The following CNTNAP2 variants were observed in gnomAD, a reference collection of about 807,000 sequenced individuals.
The protein encoded by CNTNAP2 is contactin associated protein 2, also known as contactin-associated protein-like 2.
A neutral mutation model predicts 155.2 loss-of-function variants in CNTNAP2; 98 were observed. That is an observed-to-expected ratio of 0.63 (90% CI 0.54 to 0.75). The LOEUF (loss-of-function observed/expected upper bound fraction) is 0.75, where lower values mean the gene tolerates loss of function less well. CNTNAP2 is among the 30% of genes least tolerant of loss of function. The probability of loss-of-function intolerance (pLI) is 0.00; values close to 1 mark genes in which losing one functional copy is unlikely to be tolerated. For synonymous variants in CNTNAP2, 651 were observed against 631.2 expected (o/e 1.03, Z -0.47); for missense variants, 1,727 against 1,688.1 (o/e 1.02, Z -0.40).
chr7:148,404,820 G>T (rs1389954142), intron 22 of CNTNAP2, among the ~76,000 whole-genome samples: 2 of 152,142 alleles, frequency 1.3e-5, no homozygotes, highest in African/African-American at 2.4e-5. Context: ...GATGAAATGG[G>T]AAGATAATTC....
rs566181010 is a variant in CNTNAP2, at chr7:146,293,166, T to C, written c.97+176193T>C. ...AAAAAATAAATGAAATAAAATTGGA[T>C]TTAAATGAAACAGTGAAAAGTCTTC... On this transcript the variant is annotated intron_variant, in intron 1 of 23. Transcript: ENST00000361727. 1.7e-4 allele frequency among the ~76,000 whole-genome samples: 26 copies of C among 152,250 alleles called. No homozygotes were observed. The South Asian group carries it at 5.2e-3, about 30-fold the overall frequency.
chr7:148,058,161 A>T lies in CNTNAP2; in HGVS notation c.2384-59957A>T, dbSNP rs79974376. On this transcript the variant is annotated intron_variant, in intron 15 of 23. Transcript: ENST00000361727. ...GTGTGTTGATAACGTGACTTAGTACATGAAGAGAGAGCATGGTGTTCAATT... is the reference window on the plus strand; with the variant it reads ...GTGTGTTGATAACGTGACTTAGTACTTGAAGAGAGAGCATGGTGTTCAATT... 2.9e-3 allele frequency among the ~76,000 whole-genome samples: 439 copies of T among 152,204 alleles called. 3 individuals are homozygous for T. The highest frequency in any genetic ancestry group is 0.01 in the African/African-American group (426 of 41,542).
At chr7:147,915,473 C>G (rs1277924121) in intron 14 of CNTNAP2, among the ~76,000 whole-genome samples, 1 of 152,118 alleles carries the variant, frequency 6.6e-6, no homozygotes, top group Non-Finnish European at 1.5e-5. Context: ...ATGAGGAGTA[C>G]TGGTATCAGT....
intron 1 of CNTNAP2, among the ~76,000 whole-genome samples, chr7:146,353,225 C>A (rs1316943520): frequency 1.3e-5 from 2 of 152,180 alleles, no homozygotes; most frequent in Admixed American, 1.3e-4. Flanking sequence ...ATTAATGCCT[C>A]CTCCTCACTG....
chr7:147,766,211 T>C (rs1797381261), intron 13 of CNTNAP2, among the ~76,000 whole-genome samples: 1 of 152,182 alleles, frequency 6.6e-6, no homozygotes, highest in Non-Finnish European at 1.5e-5. Flanking sequence ...GTATCTCTTA[T>C]GGTATGTAAA....
intron 4 of CNTNAP2, among the ~76,000 whole-genome samples, chr7:147,071,657 C>T (rs1297661669): frequency 6.6e-6 from 1 of 152,132 alleles, no homozygotes; most frequent in Non-Finnish European, 1.5e-5. Flanking sequence ...AAGCTGAGAT[C>T]TGTAAAATGA....
intron 8 of CNTNAP2, among the ~76,000 whole-genome samples, chr7:147,257,852 G>A (rs1392084816): frequency 1.3e-5 from 2 of 152,176 alleles, no homozygotes; most frequent in East Asian, 1.9e-4. Flanking sequence ...TGACTAGATC[G>A]ATAGTGGAGG....
chr7:148,333,678 A>T (rs1476183533), intron 21 of CNTNAP2, among the ~76,000 whole-genome samples: 1 of 152,218 alleles, frequency 6.6e-6, no homozygotes, highest in African/African-American at 2.4e-5. Flanking sequence ...CTACTGGGAA[A>T]GGGATTCATG....
In CNTNAP2 at chr7:146,574,572, G is replaced by A. The variant is rs538277783; in HGVS notation, c.98-199699G>A. 1.9e-4 allele frequency among the ~76,000 whole-genome samples: 29 copies of A among 152,112 alleles called. 1 individual carries two copies. In the South Asian group the frequency reaches 2.7e-3, roughly 14 times the overall value. On this transcript the variant is annotated intron_variant, in intron 1 of 23. Coordinates refer to ENST00000361727, the MANE Select transcript of CNTNAP2 (RefSeq NM_014141.6). ...AACAATTAGCTGGGAGTTCTCGTGC[G>A]TGCCTGTAGTCCTAGCTACTCGGGA...
chr7:146,608,082 C>T (rs1799077031), intron 1 of CNTNAP2, among the ~76,000 whole-genome samples: 1 of 152,130 alleles, frequency 6.6e-6, no homozygotes, highest in African/African-American at 2.4e-5. Flanking sequence ...TGGAGCTAAA[C>T]TTCATGTTCT....
intron 21 of CNTNAP2, among the ~76,000 whole-genome samples, chr7:148,295,394 A>C (rs1797261564): frequency 6.6e-6 from 1 of 152,154 alleles, no homozygotes. Flanking sequence ...GCTACAAAAG[A>C]AGCACAGCTT....
intron 13 of CNTNAP2, among the ~76,000 whole-genome samples, chr7:147,826,553 A>G (rs758048984): frequency 6.6e-6 from 1 of 152,228 alleles, no homozygotes; most frequent in Non-Finnish European, 1.5e-5. Context: ...TATATGATCC[A>G]TAGACTTATC....
intron 13 of CNTNAP2, among the ~76,000 whole-genome samples, chr7:147,720,141 C>T (rs7786758): frequency 0.74 from 112,757 of 152,024 alleles, 42,018 homozygotes; most frequent in East Asian, 0.92. Flanking sequence ...CGAAGTGACA[C>T]ACATGTTCCT....
intron 1 of CNTNAP2, among the ~76,000 whole-genome samples, chr7:146,763,935 A>T (rs1339706752): frequency 6.6e-6 from 1 of 152,186 alleles, no homozygotes; most frequent in African/African-American, 2.4e-5. Context: ...GAAGTTACTT[A>T]AGCCAAGTAC....
At chr7:147,115,890 C>T (rs1800977139) in intron 5 of CNTNAP2, among the ~76,000 whole-genome samples, 1 of 152,190 alleles carries the variant, frequency 6.6e-6, no homozygotes, top group South Asian at 2.1e-4. Flanking sequence ...AAAAGGGGCA[C>T]TCGGCTTTTT....
At chr7:148,101,922 TC>T (rs1804110279) in intron 15 of CNTNAP2, among the ~76,000 whole-genome samples, 1 of 152,166 alleles carries the variant, frequency 6.6e-6, no homozygotes, top group Non-Finnish European at 1.5e-5. Context: ...CATGCAGTCT[TC>T]CCCATTGCTA....
rs934291833 is a variant in CNTNAP2 at position 146,914,637 on chromosome 7, G to T, written c.402+74733G>T. On this transcript the variant is annotated intron_variant, in intron 3 of 23. Transcript: ENST00000361727. ...TATTCATGTCCTTAGCTCACTTTTTGGTGGGATTGTTTTTTTGTCTAGTTG... is the reference window on the plus strand; with the variant it reads ...TATTCATGTCCTTAGCTCACTTTTTTGTGGGATTGTTTTTTTGTCTAGTTG... 2.0e-5 allele frequency among the ~76,000 whole-genome samples: 3 copies of T among 151,686 alleles called. No individual in the cohort carries two copies. In the East Asian group the frequency reaches 5.8e-4, roughly 29 times the overall value.
intron 13 of CNTNAP2, among the ~76,000 whole-genome samples, chr7:147,748,628 C>T (rs539441047): frequency 6.6e-6 from 1 of 152,318 alleles, no homozygotes; most frequent in African/African-American, 2.4e-5. Context: ...ACCTGTCTTT[C>T]TTGTCTTTAT....
chr7:146,483,326 T>TATATATACAC (rs1554439604), intron 1 of CNTNAP2, among the ~76,000 whole-genome samples: 1 of 79,260 alleles, frequency 1.3e-5, no homozygotes, highest in Non-Finnish European at 2.3e-5. Context: ...TATATATATA[T>TATATATACAC]ATACATATAT....
Sources: gnomAD v4.1 joint callset for allele counts (sites outside exome capture counted in the v4.1 genomes callset) on GRCh38, gnomAD v4.1.1 for gene constraint, MANE v1.5 for transcripts, NCBI Gene and HGNC (gene_info 2026-07-23, HGNC 2026-07-21) for gene names.